The following PCDH11X variants were observed in gnomAD, a reference collection of about 807,000 sequenced individuals.
PCDH11X encodes the protein protocadherin-11 X-linked.
PCDH11X carries 18 observed loss-of-function variants against 53.3 expected under a neutral mutation model. The observed-to-expected ratio is 0.34, with a 90% CI of 0.23 to 0.50. The LOEUF (loss-of-function observed/expected upper bound fraction) is 0.50, where lower values mean the gene tolerates loss of function less well. PCDH11X is among the 20% of genes least tolerant of loss of function. The pLI, the probability that PCDH11X is intolerant of heterozygous loss-of-function variation, is 0.98. For missense variants in PCDH11X, 570 were observed against 1,032.4 expected, an observed-to-expected ratio of 0.55 and a Z score of 6.14; for synonymous variants, 279 against 393.3, an observed-to-expected ratio of 0.71 and a Z score of 3.44.
intron 6 of PCDH11X, among the ~76,000 whole-genome samples, chrX:92,062,308 T>C (rs2063534797): frequency 9.0e-6 from 1 of 111,509 alleles, no homozygotes; most frequent in African/African-American, 3.3e-5. Context: ...ATGCCTTTTA[T>C]CTTTTATTTA....
chrX:92,152,773 ATG>A (rs2065459293), intron 6 of PCDH11X, among the ~76,000 whole-genome samples: 2 of 102,340 alleles, frequency 2.0e-5, no homozygotes, highest in Non-Finnish European at 3.9e-5. Context: ...GTATGTATGT[ATG>A]TATGTATGTA....
intron 6 of PCDH11X, among the ~76,000 whole-genome samples, chrX:92,057,655 T>C (rs2063468118): frequency 9.2e-6 from 1 of 108,822 alleles, no homozygotes; most frequent in Non-Finnish European, 1.9e-5. Context: ...GTTTTGCAAA[T>C]TGGTTTCTCA....
chrX:91,953,006 A>C lies in PCDH11X; in HGVS notation c.3033+73733A>C, dbSNP rs1378573301. ...TGGGATCTAAAAGTCAAATCAATTG[A>C]ACTCATGGACTTGGAGAGTAGAAAG... On this transcript the variant is annotated intron_variant, in intron 6 of 10. Transcript: ENST00000682573. Among the ~76,000 whole-genome samples, 3 of 110,526 alleles carry C rather than the reference A, an allele frequency of 2.7e-5. No individual in the cohort carries two copies. In the East Asian group the frequency reaches 8.6e-4, roughly 32 times the overall value.
chrX:92,004,925 G>A (rs1260519287), intron 6 of PCDH11X, among the ~76,000 whole-genome samples: 5 of 109,081 alleles, frequency 4.6e-5, no homozygotes, highest in African/African-American at 1.3e-4. Flanking sequence ...ACGGGCACCC[G>A]CCACCGCGCC....
chrX:92,443,194 C>A (rs1187039926), intron 9 of PCDH11X, among the ~76,000 whole-genome samples: 1 of 110,747 alleles, frequency 9.0e-6, no homozygotes, highest in Non-Finnish European at 1.9e-5. Context: ...TTTTCCATAC[C>A]ACTGGTATGA....
At chrX:92,566,278 A>C (rs751119452) in intron 10 of PCDH11X, among the ~76,000 whole-genome samples, 2 of 109,464 alleles carry the variant, frequency 1.8e-5, no homozygotes, top group East Asian at 5.7e-4. Context: ...TATATTATTT[A>C]AACATTAGAT....
chrX:92,162,666 C>T (rs1214562118), intron 6 of PCDH11X, among the ~76,000 whole-genome samples: 2 of 104,113 alleles, frequency 1.9e-5, no homozygotes, highest in Non-Finnish European at 3.9e-5. Flanking sequence ...ATTGTCTGCA[C>T]AAAGTCCTGT....
intron 9 of PCDH11X, among the ~76,000 whole-genome samples, chrX:92,417,820 A>ATTTT (rs61034265): frequency 0.12 from 8,269 of 67,410 alleles, 1,151 homozygotes; most frequent in East Asian, 0.44. Flanking sequence ...CTTTTCTTCC[A>ATTTT]TTTTTTTTTT....
chrX:91,828,023 G>A (rs1209453067), intron 4 of PCDH11X, among the ~76,000 whole-genome samples: 1 of 110,560 alleles, frequency 9.0e-6, no homozygotes, highest in African/African-American at 3.3e-5. Flanking sequence ...AAATTGTTTT[G>A]GGTAGTATCC....
intron 8 of PCDH11X, among the ~76,000 whole-genome samples, chrX:92,338,661 T>C (rs1603277979): frequency 9.0e-6 from 1 of 111,257 alleles, no homozygotes; most frequent in Admixed American, 9.6e-5. Flanking sequence ...GTGGCAGAAA[T>C]AGAAACACAC....
intron 7 of PCDH11X, among the ~76,000 whole-genome samples, chrX:92,249,153 C>G (rs1021127183): frequency 9.1e-6 from 1 of 109,810 alleles, no homozygotes; most frequent in Non-Finnish European, 1.9e-5. Context: ...AATATGAAAA[C>G]CAGATATTCA....
chrX:92,502,700 A>G (rs2148697369), intron 10 of PCDH11X, among the ~76,000 whole-genome samples: 1 of 110,780 alleles, frequency 9.0e-6, no homozygotes, highest in African/African-American at 3.3e-5. Context: ...TCCTTACAAC[A>G]TATATAAAAG....
intron 9 of PCDH11X, among the ~76,000 whole-genome samples, chrX:92,425,565 C>A (rs937142573): frequency 9.1e-6 from 1 of 109,841 alleles, no homozygotes; most frequent in Non-Finnish European, 1.9e-5. Flanking sequence ...GTTTGTCGTG[C>A]CTTTTTCTCA....
chrX:92,239,630 C>T (rs1003083992), intron 7 of PCDH11X, among the ~76,000 whole-genome samples: 6 of 111,509 alleles, frequency 5.4e-5, no homozygotes, highest in African/African-American at 9.8e-5. Context: ...CTAAAGAGAT[C>T]GATGTGTCAG....
chrX:92,041,832 G>C (rs1390685161), intron 6 of PCDH11X, among the ~76,000 whole-genome samples: 1 of 111,302 alleles, frequency 9.0e-6, no homozygotes, highest in Admixed American at 9.6e-5. Flanking sequence ...AGCCGGGTTT[G>C]GTGGCATGTA....
At chrX:91,903,754 A>C (rs1941048747) in intron 6 of PCDH11X, among the ~76,000 whole-genome samples, 1 of 109,621 alleles carries the variant, frequency 9.1e-6, no homozygotes, top group Admixed American at 1.0e-4. Flanking sequence ...TTAATTAAAA[A>C]TTATAATGAA....
chrX:92,002,462 G>A (rs998205943), intron 6 of PCDH11X, among the ~76,000 whole-genome samples: 2 of 109,978 alleles, frequency 1.8e-5, no homozygotes, highest in South Asian at 3.9e-4. Context: ...TGATAGGATT[G>A]CATTAAATGT....
intron 6 of PCDH11X, among the ~76,000 whole-genome samples, chrX:92,043,643 T>A (rs926113971): frequency 9.9e-6 from 1 of 100,960 alleles, no homozygotes; most frequent in African/African-American, 3.8e-5. Flanking sequence ...CTGCTGTAAC[T>A]TACAAGGAAA....
intron 10 of PCDH11X, among the ~76,000 whole-genome samples, chrX:92,483,001 A>G (rs1252519472): frequency 9.3e-6 from 1 of 107,669 alleles, no homozygotes. Flanking sequence ...TTCTAATCTT[A>G]TCCTTTGATA....
Sources: allele counts gnomAD v4.1 joint callset (sites outside exome capture counted in the v4.1 genomes callset), GRCh38; gene constraint gnomAD v4.1.1; transcripts MANE v1.5; gene names NCBI Gene and HGNC (gene_info 2026-07-23, HGNC 2026-07-21).